Variants in RYR2 observed in about 807,000 individuals in gnomAD.
RYR2 encodes ryanodine receptor 2.
In RYR2, 227 loss-of-function variants were observed where a neutral mutation model predicts 601.1. That is an observed-to-expected ratio of 0.38 (90% CI 0.34 to 0.42). RYR2 has a LOEUF of 0.42. Among genes scored for constraint, RYR2 ranks in the 10% least tolerant of loss-of-function variants. The pLI, the probability that RYR2 is intolerant of heterozygous loss-of-function variation, is 1.00. For missense variants in RYR2, 4,646 were observed against 6,156.5 expected, an observed-to-expected ratio of 0.75 and a Z score of 8.21; for synonymous variants, 2,223 against 2,175.1, an observed-to-expected ratio of 1.02 and a Z score of -0.61.
intron 84 of RYR2, among the ~76,000 whole-genome samples, chr1:237,764,035 T>C (rs1693643824): frequency 6.6e-6 from 1 of 152,214 alleles, no homozygotes; most frequent in South Asian, 2.1e-4. Flanking sequence ...AAATAATCTG[T>C]TGTACCTGAA....
At chr1:237,081,317 G>T (rs550554506) in intron 1 of RYR2, among the ~76,000 whole-genome samples, 2 of 144,416 alleles carry the variant, frequency 1.4e-5, no homozygotes, top group African/African-American at 2.6e-5. Context: ...AGTCAACAAA[G>T]GTCTGAGCTA....
At chr1:237,320,648 A>G (rs1446655806) in intron 2 of RYR2, among the ~76,000 whole-genome samples, 1 of 152,208 alleles carries the variant, frequency 6.6e-6, no homozygotes, top group East Asian at 1.9e-4. Flanking sequence ...TAATTACACC[A>G]TATCTAATTC....
intron 48 of RYR2, 31 bp from the exon 49 acceptor site, chr1:237,648,413 A>G: frequency 6.4e-7 from 1 of 1,567,888 alleles, no homozygotes; most frequent in Non-Finnish European, 8.7e-7. Flanking sequence ...TGACACAGCC[A>G]TTGACACCAA....
rs184696325 is a variant in RYR2 at position 237,276,775 on chromosome 1, G to C, written c.168+6159G>C. 1.0e-3 allele frequency among the ~76,000 whole-genome samples: 152 copies of C among 152,260 alleles called. 1 individual carries two copies. The highest frequency in any genetic ancestry group is 3.6e-3 in the African/African-American group (149 of 41,554). On this transcript the variant is annotated intron_variant, in intron 2 of 104. Coordinates refer to ENST00000366574, the MANE Select transcript of RYR2 (RefSeq NM_001035.3). Reference sequence around the variant, plus strand: ...AGAAAATAAAAATTTACCACATTAAGTTCAAACAGACCAATTATCATAAAA... The same window carrying C: ...AGAAAATAAAAATTTACCACATTAACTTCAAACAGACCAATTATCATAAAA...
chr1:237,680,832 T>C (rs1289391626), intron 62 of RYR2, among the ~76,000 whole-genome samples: 2 of 152,240 alleles, frequency 1.3e-5, no homozygotes, highest in African/African-American at 4.8e-5. Flanking sequence ...CATTTCACAA[T>C]CTACACATAG....
intron 17 of RYR2, among the ~76,000 whole-genome samples, chr1:237,474,708 A>G (rs1260702205): frequency 6.6e-6 from 1 of 152,100 alleles, no homozygotes; most frequent in African/African-American, 2.4e-5. Context: ...TTCTAGGAGA[A>G]AGACTCAGGC....
At chr1:237,073,501 G>A (rs1664635766) in intron 1 of RYR2, among the ~76,000 whole-genome samples, 1 of 152,168 alleles carries the variant, frequency 6.6e-6, no homozygotes, top group South Asian at 2.1e-4. Flanking sequence ...CCTCTGAGTT[G>A]AGATGTGCTG....
chr1:237,529,411 T>C (rs556002505), intron 24 of RYR2, among the ~76,000 whole-genome samples: 119 of 152,280 alleles, frequency 7.8e-4, no homozygotes, highest in African/African-American at 2.8e-3. Context: ...TACCCATATG[T>C]ATAAGCTTAT....
intron 69 of RYR2, 45 bp from the exon 70 acceptor site, chr1:237,709,429 ATTAACT>A: frequency 1.7e-6 from 2 of 1,159,268 alleles, no homozygotes; most frequent in Non-Finnish European, 1.3e-6. Context: ...TTTTTTTTAA[ATTAACT>A]TTAAGGAGTA....
Position 237,691,382 on chromosome 1 carries a change from T to C in RYR2, c.9067+3878T>C, listed in dbSNP as rs535896316. 3.7e-3 allele frequency among the ~76,000 whole-genome samples: 561 copies of C among 152,296 alleles called. 4 individuals are homozygous for C. The highest frequency in any genetic ancestry group is 0.013 in the African/African-American group (531 of 41,548). ...GACAAAATACATGTTCTGGTGGTAG[T>C]AATTGTGGTGAGCAGAGTTTGATGG... On this transcript the variant is annotated intron_variant, in intron 63 of 104. Coordinates refer to ENST00000366574, the MANE Select transcript of RYR2 (RefSeq NM_001035.3).
At chr1:237,201,618 C>T (rs1681203272) in intron 1 of RYR2, among the ~76,000 whole-genome samples, 1 of 152,156 alleles carries the variant, frequency 6.6e-6, no homozygotes, top group Non-Finnish European at 1.5e-5. Flanking sequence ...CTGGCATTAG[C>T]ATCCTCCCCA....
chr1:237,511,699 C>A lies in RYR2; in HGVS notation c.2730C>A (p.Asp910Glu). 6.4e-7 allele frequency: 1 copy of A among 1,567,684 alleles called. No homozygotes were observed. Residue 910 changes from aspartate (D) to glutamate (E), a missense_variant, in exon 24 of 105, where the codon GAC (aspartate) becomes GAA (glutamate). Transcript: ENST00000366574. ...CTGTCCTGTTTCAGGTTAGAGATGA[C>A]AACAAGAGACAACACCCATGCCTGG... ...LGWQYGPVRD[D>E]NKRQHPCLVE...
chr1:237,148,529 T>TATATATATATATATATATACACAC lies in RYR2; in HGVS notation c.48+105979_48+105980insCACACATATATATATATATATATA, dbSNP rs1558319899. 4.7e-5 allele frequency among the ~76,000 whole-genome samples: 2 copies of TATATATATATATATATATACACAC among 42,534 alleles called. 1 individual carries two copies. The highest frequency in any genetic ancestry group is 1.8e-4 in the African/African-American group (2 of 11,020). The allele number at this position is 42,534 out of a possible 152,430, so 27.9% of individuals were successfully genotyped here. A position where few individuals can be genotyped will look rare whatever the true frequency, so the allele number is the denominator to read the frequency against. On this transcript the variant is annotated intron_variant, in intron 1 of 104. Transcript: ENST00000366574. ...AGAACTTCAAGTAAAAAAAAAAAAA[T>TATATATATATATATATATACACAC]ATATATATATATATATATATATATA...
chr1:237,573,673 G>A (rs2805401), intron 29 of RYR2, among the ~76,000 whole-genome samples: 92,146 of 150,696 alleles, frequency 0.61, 29,859 homozygotes, highest in Non-Finnish European at 0.71. Context: ...TTAGCCCAGC[G>A]TGGTGGCGGG....
chr1:237,334,440 A>AATAT (rs58982184), intron 3 of RYR2, among the ~76,000 whole-genome samples: 43,149 of 145,840 alleles, frequency 0.3, 7,633 homozygotes, highest in Admixed American at 0.41. Flanking sequence ...GTTTAATTAA[A>AATAT]ATATATATAT....
At chr1:237,331,321 T>C (rs1453675184) in intron 3 of RYR2, among the ~76,000 whole-genome samples, 2 of 152,228 alleles carry the variant, frequency 1.3e-5, no homozygotes, top group African/African-American at 4.8e-5. Context: ...CATGGCTATT[T>C]GTCATTAACC....
chr1:237,208,966 A>ATATATATG lies in RYR2; in HGVS notation c.49-61524_49-61523insGTATATAT, dbSNP rs1558428065. ...TATATATATATATATATATATATAT[A>ATATATATG]TATATATATATATATATATGTATAC... On this transcript the variant is annotated intron_variant, in intron 1 of 104. Coordinates refer to ENST00000366574, the MANE Select transcript of RYR2 (RefSeq NM_001035.3). 7.7e-4 allele frequency among the ~76,000 whole-genome samples: 82 copies of ATATATATG among 105,890 alleles called. 1 individual carries two copies. The highest frequency in any genetic ancestry group is 4.6e-3 in the Middle Eastern group (1 of 216). The allele number at this position is 105,890 out of a possible 152,430, so 69.5% of individuals were successfully genotyped here. A position where few individuals can be genotyped will look rare whatever the true frequency, so the allele number is the denominator to read the frequency against.
chr1:237,668,041 C>T (rs913290862), intron 58 of RYR2, 83 bp downstream of exon 58: 5 of 1,047,436 alleles, frequency 4.8e-6, no homozygotes, highest in African/African-American at 3.2e-5. Flanking sequence ...TTCAGCACAA[C>T]AGCTTATTAT....
intron 42 of RYR2, 85 bp from the exon 43 acceptor site, chr1:237,633,493 A>G (rs931648278): frequency 1.3e-6 from 2 of 1,519,930 alleles, no homozygotes; most frequent in African/African-American, 2.7e-5. Flanking sequence ...ACGGGGATTG[A>G]CGATGTGATT....
Sources: gnomAD v4.1 joint callset for allele counts (sites outside exome capture counted in the v4.1 genomes callset) on GRCh38, gnomAD v4.1.1 for gene constraint, MANE v1.5 for transcripts, NCBI Gene and HGNC (gene_info 2026-07-23, HGNC 2026-07-21) for gene names.